ATP9A: variants seen among roughly 807,000 people sequenced by gnomAD.
ATP9A encodes the protein probable phospholipid-transporting ATPase IIA.
A neutral mutation model predicts 144.1 loss-of-function variants in ATP9A; 52 were observed. The observed-to-expected ratio is 0.36, with a 90% CI of 0.29 to 0.45. The LOEUF is 0.45. Ranked by LOEUF, ATP9A falls within the 20% of genes least tolerant of loss-of-function variation. The probability of loss-of-function intolerance (pLI) is 1.00; values close to 1 mark genes in which losing one functional copy is unlikely to be tolerated. For missense variants in ATP9A, 947 were observed against 1,392.7 expected (o/e 0.68, Z 5.09); for synonymous variants, 582 against 557.4 (o/e 1.04, Z -0.62).
In ATP9A at chr20:51,597,486, A is replaced by G. The variant is rs1238049214; in HGVS notation, c.*3725T>C. 6 of 152,210 alleles carry G rather than the reference A, an allele frequency of 3.9e-5. No homozygotes were observed. The highest frequency in any genetic ancestry group is 7.2e-5 in the African/African-American group (3 of 41,454). 9.4% of individuals were successfully genotyped at this position (152,210 alleles called of 1,614,324 possible). On this transcript the variant is annotated 3_prime_UTR_variant, in exon 28 of 28. Coordinates refer to ENST00000338821, the MANE Select transcript of ATP9A (RefSeq NM_006045.3). ...AGAATTTTAATGCAATGAAAACCAA[A>G]TAATTCTTCAAAAAACTTTAGATGA...
At chr20:51,755,530 A>G (rs1027434947) in intron 1 of ATP9A, among the ~76,000 whole-genome samples, 1 of 152,228 alleles carries the variant, frequency 6.6e-6, no homozygotes, top group Non-Finnish European at 1.5e-5. Flanking sequence ...TGATGAGGAC[A>G]TGGAACAACT....
At chr20:51,674,916 G>A (rs371874514) in intron 10 of ATP9A, among the ~76,000 whole-genome samples, 3 of 152,134 alleles carry the variant, frequency 2.0e-5, no homozygotes, top group Admixed American at 1.3e-4. Context: ...GGGTTCAAGC[G>A]ATTCTCCTAC....
chr20:51,629,601 G>A (rs538554182), intron 15 of ATP9A, among the ~76,000 whole-genome samples: 2 of 152,312 alleles, frequency 1.3e-5, no homozygotes, highest in South Asian at 4.1e-4. Flanking sequence ...CAACCAGAAT[G>A]TCTCTAGACT....
At chr20:51,735,307 AG>A (rs1218060043) in intron 1 of ATP9A, among the ~76,000 whole-genome samples, 1 of 152,148 alleles carries the variant, frequency 6.6e-6, no homozygotes, top group Non-Finnish European at 1.5e-5. Context: ...CACGAAAGCA[AG>A]AGGACATACA....
At chr20:51,647,284 C>T (rs1374468920) in intron 14 of ATP9A, among the ~76,000 whole-genome samples, 1 of 152,160 alleles carries the variant, frequency 6.6e-6, no homozygotes, top group Non-Finnish European at 1.5e-5. Flanking sequence ...CACGGTGGCT[C>T]ATGCCTGTAA....
chr20:51,752,034 G>C (rs1461804558), intron 1 of ATP9A, among the ~76,000 whole-genome samples: 1 of 147,362 alleles, frequency 6.8e-6, no homozygotes, highest in African/African-American at 2.5e-5. Flanking sequence ...TTTGTAGGTG[G>C]GCAAGGTAGG....
At chr20:51,768,212 C>T in intron 1 of ATP9A, 90 bp downstream of exon 1, 2 of 837,570 alleles carry the variant, frequency 2.4e-6, no homozygotes, top group Non-Finnish European at 3.1e-6. Flanking sequence ...GCGCGGCGCG[C>T]GGCCAACCTG....
At chr20:51,688,916 A>T (rs1241193032) in intron 9 of ATP9A, 148 bp downstream of exon 9, 1 of 891,480 alleles carries the variant, frequency 1.1e-6, no homozygotes, top group Non-Finnish European at 1.8e-6. Flanking sequence ...ATTAGATGTC[A>T]GTTTAATTCC....
chr20:51,741,471 G>A (rs1023694368), intron 1 of ATP9A, among the ~76,000 whole-genome samples: 1 of 151,158 alleles, frequency 6.6e-6, no homozygotes, highest in African/African-American at 2.5e-5. Context: ...CAGCTACTCA[G>A]GGGGCTGACA....
intron 9 of ATP9A, among the ~76,000 whole-genome samples, chr20:51,679,408 G>T (rs2077490913): frequency 6.6e-6 from 1 of 152,180 alleles, no homozygotes; most frequent in Admixed American, 6.5e-5. Flanking sequence ...CGTTCCTCAT[G>T]CTACACCCAG....
chr20:51,707,284 C>T (rs2077618540), intron 4 of ATP9A, among the ~76,000 whole-genome samples: 1 of 152,168 alleles, frequency 6.6e-6, no homozygotes. Flanking sequence ...CAGTCCTGCT[C>T]TCTTCCCTCC....
At position 51,596,619 on chromosome 20, in the gene ATP9A, T is replaced by C. The variant is rs1410413563; in HGVS notation, c.*4592A>G. 6.6e-6 allele frequency: 1 copy of C among 152,194 alleles called. No individual in the cohort carries two copies. Among genetic ancestry groups the C allele is most frequent in the African/African-American group, 2.4e-5 (1 of 41,444 alleles). The allele number at this position is 152,194 out of a possible 1,614,324, so 9.4% of individuals were successfully genotyped here. A position where few individuals can be genotyped will look rare whatever the true frequency, so the allele number is the denominator to read the frequency against. On this transcript the variant is annotated 3_prime_UTR_variant, in exon 28 of 28. Coordinates refer to ENST00000338821, the MANE Select transcript of ATP9A (RefSeq NM_006045.3). ...AATAACATGCATTGATTTGGGGTTT[T>C]TTTTGCCAAAATCAAAATAATTTTC...
chr20:51,735,795 TAAC>T (rs1399785304), intron 1 of ATP9A, among the ~76,000 whole-genome samples: 5 of 152,262 alleles, frequency 3.3e-5, no homozygotes, highest in Non-Finnish European at 5.9e-5. Flanking sequence ...GAACACTTAG[TAAC>T]AACAACAAGG....
chr20:51,707,515 T>C (rs2426381), intron 4 of ATP9A, among the ~76,000 whole-genome samples: 118,567 of 152,040 alleles, frequency 0.78, 46,622 homozygotes, highest in African/African-American at 0.89. Context: ...CAGCAACCCT[T>C]TAAGGTAGGT....
chr20:51,699,832 G>A (rs545937560), intron 4 of ATP9A, among the ~76,000 whole-genome samples: 7 of 151,964 alleles, frequency 4.6e-5, no homozygotes, highest in Non-Finnish European at 8.8e-5. Flanking sequence ...TAGTAGAGAC[G>A]GGGTTTCACC....
intron 9 of ATP9A, among the ~76,000 whole-genome samples, chr20:51,686,329 C>A (rs557111577): frequency 1.3e-5 from 2 of 149,340 alleles, no homozygotes; most frequent in East Asian, 3.9e-4. Context: ...CAAACCTGCA[C>A]GTTGTGCACA....
intron 22 of ATP9A, among the ~76,000 whole-genome samples, chr20:51,616,940 C>CT (rs556430829): frequency 0.032 from 4,133 of 131,048 alleles, 229 homozygotes; most frequent in African/African-American, 0.11. Context: ...TATAGAGAAA[C>CT]TTTTTTTTTT....
intron 1 of ATP9A, among the ~76,000 whole-genome samples, chr20:51,764,124 A>G (rs1382212908): frequency 6.6e-6 from 1 of 152,216 alleles, no homozygotes; most frequent in African/African-American, 2.4e-5. Context: ...CTAAAAAACT[A>G]TGAGATACAT....
In ATP9A at chr20:51,607,590, TGA is replaced by T. The variant is rs767790273; in HGVS notation, c.2746-8_2746-7del. ...TTGTAGGACAACGGCCGTCCCTGAATGAGAGACAGAGAAAGGTTAGAGCCGGT... is the reference window on the plus strand; with the variant it reads ...TTGTAGGACAACGGCCGTCCCTGAATGAGACAGAGAAAGGTTAGAGCCGGT... On this transcript the variant is annotated splice_polypyrimidine_tract_variant and splice_region_variant and intron_variant, in intron 25 of 27. Transcript: ENST00000338821. 4 of 1,611,752 alleles carry T rather than the reference TGA, an allele frequency of 2.5e-6. No homozygotes were observed. The highest frequency in any genetic ancestry group is 4.5e-5 in the East Asian group (2 of 44,886).
Sources: allele counts gnomAD v4.1 joint callset (sites outside exome capture counted in the v4.1 genomes callset), GRCh38; gene constraint gnomAD v4.1.1; transcripts MANE v1.5; gene names NCBI Gene and HGNC (gene_info 2026-07-23, HGNC 2026-07-21).